The following C3orf49 variants were observed in gnomAD, a reference collection of about 807,000 sequenced individuals.
C3orf49 encodes the protein chromosome 3 open reading frame 49.
A neutral mutation model predicts 13.3 loss-of-function variants in C3orf49; 27 were observed. That is an observed-to-expected ratio of 2.02 (90% confidence interval 1.49 to 2.79). C3orf49 has a LOEUF of 2.79. Among genes scored for constraint, C3orf49 ranks in the 30% most tolerant of loss-of-function variants. The pLI, the probability that C3orf49 is intolerant of heterozygous loss-of-function variation, is 0.00. For missense variants in C3orf49, 242 were observed against 134.2 expected, an observed-to-expected ratio of 1.80 and a Z score of -3.97; for synonymous variants, 87 against 47.6, an observed-to-expected ratio of 1.83 and a Z score of -3.40.
chr3:63,844,641 T>G (rs961741608), intron 5 of C3orf49, among the ~76,000 whole-genome samples: 1 of 152,182 alleles, frequency 6.6e-6, no homozygotes, highest in African/African-American at 2.4e-5. Flanking sequence ...GGAAATAGGT[T>G]AGTAATCTCG....
intron 5 of C3orf49, among the ~76,000 whole-genome samples, chr3:63,833,394 T>C (rs995178580): frequency 2.4e-4 from 37 of 152,228 alleles, no homozygotes; most frequent in African/African-American, 8.9e-4. Context: ...CCACCATGCC[T>C]GGCCTACGCA....
At chr3:63,819,296 T>C (rs1287751042), upstream of C3orf49, 4 of 553,520 alleles carry the variant, frequency 7.2e-6, no homozygotes, top group Non-Finnish European at 1.3e-5. Flanking sequence ...CCACAAATAA[T>C]GTCTCTAACA....
intron 5 of C3orf49, among the ~76,000 whole-genome samples, chr3:63,837,330 C>T (rs1701656101): frequency 8.2e-6 from 1 of 121,640 alleles, no homozygotes; most frequent in South Asian, 3.4e-4. Context: ...GTTGTGATTA[C>T]ACATTATATT....
chr3:63,844,361 C>T (rs1313664004), intron 5 of C3orf49, among the ~76,000 whole-genome samples: 1 of 152,158 alleles, frequency 6.6e-6, no homozygotes, highest in African/African-American at 2.4e-5. Context: ...ATGTGATATG[C>T]TCTCACCACA....
the C3orf49 span, among the ~76,000 whole-genome samples, chr3:63,800,631 C>T: frequency 6.6e-6 from 1 of 152,072 alleles, no homozygotes; most frequent in African/African-American, 2.4e-5. Flanking sequence ...ATCATCATTT[C>T]CATTTTACTA....
intron 2 of C3orf49, among the ~76,000 whole-genome samples, chr3:63,823,995 T>C (rs778640005): frequency 1.3e-5 from 2 of 151,986 alleles, no homozygotes; most frequent in Non-Finnish European, 2.9e-5. Flanking sequence ...GAGATGGGGT[T>C]TTACCATATT....
At chr3:63,831,392 G>A (rs1373674380) in intron 4 of C3orf49, among the ~76,000 whole-genome samples, 169 bp downstream of exon 4, 1 of 152,144 alleles carries the variant, frequency 6.6e-6, no homozygotes, top group Non-Finnish European at 1.5e-5. Flanking sequence ...GGATTGCCAA[G>A]GACACCTAGG....
At chr3:63,809,340 G>A in the C3orf49 span, among the ~76,000 whole-genome samples, 1 of 152,206 alleles carries the variant, frequency 6.6e-6, no homozygotes, top group Non-Finnish European at 1.5e-5. Context: ...CTACAGAACT[G>A]TAAGACAAAT....
At chr3:63,801,134 G>A in the C3orf49 span, among the ~76,000 whole-genome samples, 2 of 152,224 alleles carry the variant, frequency 1.3e-5, no homozygotes, top group South Asian at 4.1e-4. Context: ...CTGTGTACCT[G>A]GCACTTTAAA....
At chr3:63,795,820 T>G in the C3orf49 span, among the ~76,000 whole-genome samples, 1 of 152,154 alleles carries the variant, frequency 6.6e-6, no homozygotes, top group Admixed American at 6.6e-5. Flanking sequence ...CATTTCTCTT[T>G]AATGAGTTGC....
At chr3:63,833,003 T>G (rs1701553527) in intron 5 of C3orf49, 1 of 152,168 alleles carries the variant, frequency 6.6e-6, no homozygotes, top group Non-Finnish European at 1.5e-5. Context: ...GCTGAACAAG[T>G]ATTACACATA....
intron 5 of C3orf49, among the ~76,000 whole-genome samples, chr3:63,840,945 T>C (rs1003153213): frequency 2.6e-5 from 4 of 152,238 alleles, no homozygotes; most frequent in East Asian, 3.8e-4. Flanking sequence ...GTTTGTCCTA[T>C]AGAAGTGCAC....
At chr3:63,790,730 A>C in the C3orf49 span, among the ~76,000 whole-genome samples, 1 of 151,852 alleles carries the variant, frequency 6.6e-6, no homozygotes, top group South Asian at 2.1e-4. Context: ...ATGATTTAAC[A>C]CTTGGTTTGT....
intron 5 of C3orf49, among the ~76,000 whole-genome samples, chr3:63,834,916 T>C (rs1053144052): frequency 3.3e-5 from 5 of 152,192 alleles, no homozygotes; most frequent in Non-Finnish European, 7.3e-5. Flanking sequence ...TCTATCATCC[T>C]TGAATTTTTC....
At chr3:63,817,360 T>C (rs1020613826), upstream of C3orf49, among the ~76,000 whole-genome samples, 4 of 152,252 alleles carry the variant, frequency 2.6e-5, no homozygotes, top group Admixed American at 2.6e-4. Context: ...TCCCACAGCA[T>C]ATTAAGTTAT....
chr3:63,801,511 A>G, the C3orf49 span, among the ~76,000 whole-genome samples: 1 of 152,190 alleles, frequency 6.6e-6, no homozygotes, highest in African/African-American at 2.4e-5. Flanking sequence ...TTAGTACACA[A>G]TCATCAAACA....
intron 5 of C3orf49, chr3:63,838,221 C>G (rs1168840800): frequency 1.1e-6 from 1 of 901,764 alleles, no homozygotes; most frequent in Non-Finnish European, 1.6e-6. Context: ...TCTTAGAATA[C>G]ACATTTTTTA....
chr3:63,808,023 GGAGAACGACATA>G, the C3orf49 span, among the ~76,000 whole-genome samples: 3 of 152,202 alleles, frequency 2.0e-5, no homozygotes, highest in East Asian at 5.8e-4. Flanking sequence ...GGAGGAAGGA[GGAGAACGACATA>G]ATGAACGAAC....
chr3:63,839,714 T>A lies in C3orf49; in HGVS notation c.850-5309T>A, dbSNP rs757561494. On this transcript the variant is annotated intron_variant, in intron 5 of 6. Transcript: ENST00000295896. Reference sequence around the variant, plus strand: ...ATGAAACTCTTCACTAGCAGATTAATTCTCCGATCATCTCCAGCACCATCT... The same window carrying A: ...ATGAAACTCTTCACTAGCAGATTAAATCTCCGATCATCTCCAGCACCATCT... 5 of 1,613,010 alleles carry A rather than the reference T, an allele frequency of 3.1e-6. No homozygotes were observed. The South Asian group carries it at 5.5e-5, about 18-fold the overall frequency.
Sources: allele counts gnomAD v4.1 joint callset (sites outside exome capture counted in the v4.1 genomes callset), GRCh38; gene constraint gnomAD v4.1.1; transcripts MANE v1.5; gene names NCBI Gene and HGNC (gene_info 2026-07-23, HGNC 2026-07-21).